Variants in ACBD6 observed in about 807,000 individuals in gnomAD.
The protein encoded by ACBD6 is acyl-CoA binding domain containing 6, also known as acyl-CoA-binding domain-containing protein 6.
Under a neutral mutation model 37.2 loss-of-function variants are expected in ACBD6, and 28 were observed. That is an observed-to-expected ratio of 0.75 (90% CI 0.56 to 1.03). ACBD6 has a LOEUF of 1.03. ACBD6 is among the 50% of genes least tolerant of loss of function. The pLI is 0.00. For synonymous variants in ACBD6, 113 were observed against 126.8 expected (o/e 0.89, Z 0.73); for missense variants, 340 against 337.4 (o/e 1.01, Z -0.06).
intron 6 of ACBD6, among the ~76,000 whole-genome samples, chr1:180,345,085 T>C (rs1207306124): frequency 6.6e-6 from 1 of 152,224 alleles, no homozygotes; most frequent in African/African-American, 2.4e-5. Context: ...AGTCTCTATA[T>C]TTGTATTAAT....
rs1649567439 is a variant in ACBD6, at chr1:180,288,258, G to T, written c.*105C>A. The T allele has an allele frequency of 6.7e-7, 1 of 1,493,572 alleles. No homozygotes were observed. Among genetic ancestry groups the T allele is most frequent in the Non-Finnish European group, 9.2e-7 (1 of 1,085,124 alleles). 92.5% of individuals were successfully genotyped at this position (1,493,572 alleles called of 1,614,324 possible). ...CAGTTCCACAGAACTGATTTTATTA[G>T]CCAATACATACCAAAGACGGGTGGA... On this transcript the variant is annotated 3_prime_UTR_variant, in exon 8 of 8. Transcript: ENST00000367595.
chr1:180,353,386 T>G (rs1159955916), intron 6 of ACBD6, among the ~76,000 whole-genome samples: 1 of 152,198 alleles, frequency 6.6e-6, no homozygotes, highest in Non-Finnish European at 1.5e-5. Flanking sequence ...TGATAGCCCA[T>G]GTCACCTTAC....
intron 6 of ACBD6, among the ~76,000 whole-genome samples, chr1:180,335,246 AAGGGCGGCC>A (rs1651654872): frequency 6.6e-6 from 1 of 152,226 alleles, no homozygotes; most frequent in African/African-American, 2.4e-5. Flanking sequence ...AAAAAATGTT[AAGGGCGGCC>A]AGAGAGAAAG....
At chr1:180,389,247 C>T (rs998407775) in intron 6 of ACBD6, among the ~76,000 whole-genome samples, 4 of 152,102 alleles carry the variant, frequency 2.6e-5, no homozygotes, top group Middle Eastern at 3.2e-3. Context: ...TGAGAACATG[C>T]GGAGTTTGGT....
Position 180,481,286 on chromosome 1 carries a change from T to C in ACBD6, c.384+10983A>G, listed in dbSNP as rs1651033785. Among the ~76,000 whole-genome samples the C allele has an allele frequency of 2.6e-5, 4 of 151,666 alleles. No homozygotes were observed. In the South Asian group the frequency reaches 8.3e-4, roughly 32 times the overall value. On this transcript the variant is annotated intron_variant, in intron 3 of 7. Transcript: ENST00000367595. ...ACCCTGGTCTAAAAACCCTAATCCC[T>C]GATCAGGATCACAGAAAAGATCAGG...
intron 5 of ACBD6, among the ~76,000 whole-genome samples, chr1:180,409,377 C>A (rs1451945728): frequency 1.3e-5 from 2 of 152,148 alleles, no homozygotes; most frequent in Admixed American, 1.3e-4. Flanking sequence ...GCTATACAGG[C>A]ATACCTTGTT....
rs149452585 is a variant in ACBD6 at position 180,367,727 on chromosome 1, T to A, written c.663+29789A>T. ...TCCTGCAAAATACATGATCTTGTTC[T>A]TTTTTATGGCTGCATAGTATTCTGT... On this transcript the variant is annotated intron_variant, in intron 6 of 7. Transcript: ENST00000367595. Among the ~76,000 whole-genome samples the A allele has an allele frequency of 1.4e-3, 216 of 152,332 alleles. 4 individuals are homozygous for A. The East Asian group carries it at 0.038, about 27-fold the overall frequency.
At chr1:180,370,864 A>C (rs923031204) in intron 6 of ACBD6, among the ~76,000 whole-genome samples, 3 of 152,032 alleles carry the variant, frequency 2.0e-5, no homozygotes, top group Admixed American at 6.6e-5. Context: ...TTGTTTTATT[A>C]TTATTTTAAT....
intron 7 of ACBD6, among the ~76,000 whole-genome samples, chr1:180,310,680 T>C (rs1233020868): frequency 6.6e-6 from 1 of 152,214 alleles, no homozygotes; most frequent in Non-Finnish European, 1.5e-5. Context: ...GGTATGTACC[T>C]AGAACCAGAA....
At chr1:180,306,758 T>C (rs1343251218) in intron 7 of ACBD6, among the ~76,000 whole-genome samples, 2 of 152,252 alleles carry the variant, frequency 1.3e-5, no homozygotes, top group South Asian at 2.1e-4. Context: ...CTAGGAATTA[T>C]TAGTAAGTAT....
In ACBD6 at chr1:180,463,906, G is replaced by A. The variant is rs558035267; in HGVS notation, c.384+28363C>T. On this transcript the variant is annotated intron_variant, in intron 3 of 7. Transcript: ENST00000367595. ...GGGATGCAAGGTTGGTTCAACATACGCAAATCAATAAATGTGATTCATCAC... is the reference window on the plus strand; with the variant it reads ...GGGATGCAAGGTTGGTTCAACATACACAAATCAATAAATGTGATTCATCAC... Among the ~76,000 whole-genome samples the A allele has an allele frequency of 1.3e-4, 20 of 152,130 alleles. 1 individual carries two copies. In the South Asian group the frequency reaches 3.5e-3, roughly 27 times the overall value.
Position 180,400,155 on chromosome 1 carries a change from G to A in ACBD6, c.574-2550C>T, listed in dbSNP as rs563346039. 1.1e-4 allele frequency among the ~76,000 whole-genome samples: 16 copies of A among 152,300 alleles called. No homozygotes were observed. The South Asian group carries it at 3.3e-3, about 32-fold the overall frequency. ...GCAACACATTTTACTGTTAATGGGA[G>A]TTATATTTTAAATTTCCCATATTTT... is the stretch of plus-strand genomic sequence containing the variant. On this transcript the variant is annotated intron_variant, in intron 5 of 7. Transcript: ENST00000367595.
chr1:180,397,105 C>T (rs1387490398), intron 6 of ACBD6, among the ~76,000 whole-genome samples: 1 of 152,022 alleles, frequency 6.6e-6, no homozygotes, highest in Non-Finnish European at 1.5e-5. Context: ...AAAAATTCAG[C>T]CATAAAAAGG....
chr1:180,338,218 T>C (rs71639348), intron 6 of ACBD6, among the ~76,000 whole-genome samples: 4 of 152,136 alleles, frequency 2.6e-5, no homozygotes, highest in African/African-American at 7.2e-5. Context: ...GAGCCCACAT[T>C]GCCAAGTCAA....
Position 180,456,030 on chromosome 1 carries a change from G to C in ACBD6, c.385-25768C>G, listed in dbSNP as rs141252088. 7.0e-3 allele frequency among the ~76,000 whole-genome samples: 1,068 copies of C among 152,116 alleles called. 35 individuals carry two copies. Among genetic ancestry groups the C allele is most frequent in the East Asian group, 0.046 (238 of 5,176 alleles). On this transcript the variant is annotated intron_variant, in intron 3 of 7. Coordinates refer to ENST00000367595, the MANE Select transcript of ACBD6 (RefSeq NM_032360.4). The stretch of plus-strand genomic sequence containing the variant: ...GTTCGAGACCAGCCGGGCCAACATG[G>C]TGAAATCCTGTCCCTACTAAAAATA...
At chr1:180,274,437 C>T (rs1648900896) in intron 10 of ACBD6, 2 of 1,614,080 alleles carry the variant, frequency 1.2e-6, no homozygotes, top group Non-Finnish European at 1.7e-6. Flanking sequence ...ATTGCGCATG[C>T]AGGGCAGGGA....
intron 3 of ACBD6, among the ~76,000 whole-genome samples, chr1:180,457,540 G>C (rs919823969): frequency 6.6e-6 from 1 of 152,094 alleles, no homozygotes; most frequent in Non-Finnish European, 1.5e-5. Context: ...TCAGACCTGA[G>C]TTCTGCTCAA....
chr1:180,453,151 G>A lies in ACBD6; in HGVS notation c.385-22889C>T, dbSNP rs56112548. 3.7e-3 allele frequency among the ~76,000 whole-genome samples: 558 copies of A among 152,234 alleles called. 1 individual carries two copies. The highest frequency in any genetic ancestry group is 6.4e-3 in the Non-Finnish European group (434 of 68,016). ...CAGGCCAGTATCCCTGATGAACATC[G>A]ATGCAAAAATCTTCAATAAAATACT... On this transcript the variant is annotated intron_variant, in intron 3 of 7. Coordinates refer to ENST00000367595, the MANE Select transcript of ACBD6 (RefSeq NM_032360.4).
chr1:180,455,986 G>A (rs531254439), intron 3 of ACBD6, among the ~76,000 whole-genome samples: 9 of 152,116 alleles, frequency 5.9e-5, no homozygotes, highest in East Asian at 5.8e-4. Context: ...CAAGGCGGGC[G>A]GATCACCTGA....
Sources: gnomAD v4.1 joint callset for allele counts (sites outside exome capture counted in the v4.1 genomes callset) on GRCh38, gnomAD v4.1.1 for gene constraint, MANE v1.5 for transcripts, NCBI Gene and HGNC (gene_info 2026-07-23, HGNC 2026-07-21) for gene names.